The following PCDH15 variants were observed in gnomAD, a reference collection of about 807,000 sequenced individuals.
The protein encoded by PCDH15 is protocadherin related 15, also known as protocadherin-15.
Under a neutral mutation model 178.5 loss-of-function variants are expected in PCDH15, and 129 were observed. The ratio of observed to expected loss-of-function variants is 0.72; its 90% confidence interval spans 0.63 to 0.84. The LOEUF (loss-of-function observed/expected upper bound fraction) is 0.84. Among genes scored for constraint, PCDH15 ranks in the 40% least tolerant of loss-of-function variants. The pLI, the probability that PCDH15 is intolerant of heterozygous loss-of-function variation, is 0.00. For synonymous variants in PCDH15, 800 were observed against 732.0 expected (o/e 1.09, Z -1.50); for missense variants, 2,230 against 2,099.9 (o/e 1.06, Z -1.21).
intron 2 of PCDH15, among the ~76,000 whole-genome samples, chr10:55,151,619 A>G (rs1013278853): frequency 6.6e-6 from 1 of 152,090 alleles, no homozygotes; most frequent in Non-Finnish European, 1.5e-5. Context: ...GGAATAACCA[A>G]AGGTAAAAAT....
At chr10:55,503,366 TAAA>T (rs1272150369) in intron 2 of PCDH15, among the ~76,000 whole-genome samples, 1 of 148,386 alleles carries the variant, frequency 6.7e-6, no homozygotes, top group Non-Finnish European at 1.5e-5. Flanking sequence ...AAATATAAAA[TAAA>T]TATTCTAAAT....
chr10:54,255,781 C>G (rs1347660812), intron 8 of PCDH15, among the ~76,000 whole-genome samples: 1 of 152,128 alleles, frequency 6.6e-6, no homozygotes, highest in African/African-American at 2.4e-5. Flanking sequence ...AGCCTATACT[C>G]TGTAACTTAG....
At chr10:55,536,797 T>C (rs1841587817) in intron 2 of PCDH15, among the ~76,000 whole-genome samples, 1 of 152,156 alleles carries the variant, frequency 6.6e-6, no homozygotes, top group Admixed American at 6.6e-5. Context: ...CTTCTCTCCA[T>C]ACTTTTTCAT....
chr10:54,248,861 AAG>A (rs1221061411), intron 8 of PCDH15, among the ~76,000 whole-genome samples: 1 of 152,056 alleles, frequency 6.6e-6, no homozygotes, highest in Non-Finnish European at 1.5e-5. Flanking sequence ...AGTGGGAAAA[AAG>A]AGTAACAAAA....
intron 14 of PCDH15, among the ~76,000 whole-genome samples, chr10:54,135,087 T>A (rs1035087018): frequency 6.6e-6 from 1 of 151,356 alleles, no homozygotes; most frequent in Admixed American, 6.6e-5. Context: ...TAATCCCAGC[T>A]ACTCAGGAGT....
At chr10:53,811,506 A>C in intron 36 of PCDH15, 43 bp downstream of exon 36, 1 of 1,151,514 alleles carries the variant, frequency 8.7e-7, no homozygotes, top group African/African-American at 1.6e-5. Context: ...TATTAATAAA[A>C]TATTAAAATA....
intron 3 of PCDH15, among the ~76,000 whole-genome samples, chr10:54,392,405 G>A (rs7096081): frequency 3.2e-3 from 418 of 131,718 alleles, no homozygotes; most frequent in African/African-American, 0.011. Context: ...GGACTATGTT[G>A]CAGTCAGGCT....
chr10:54,433,988 C>T lies in PCDH15; in HGVS notation c.158-55046G>A, dbSNP rs149559188. On this transcript the variant is annotated intron_variant, in intron 3 of 37. Coordinates refer to ENST00000644397, the MANE Select transcript of PCDH15 (RefSeq NM_001384140.1). ...CCAAACACCTTTCATTGGGACGAGACGTGGACGTGGAAGACAGCGATATAG... is the reference window on the plus strand; with the variant it reads ...CCAAACACCTTTCATTGGGACGAGATGTGGACGTGGAAGACAGCGATATAG... 7.2e-5 allele frequency among the ~76,000 whole-genome samples: 11 copies of T among 152,218 alleles called. No individual in the cohort carries two copies. In the South Asian group the frequency reaches 1.0e-3, roughly 14 times the overall value.
At chr10:53,871,771 G>A (rs1440336747) in intron 26 of PCDH15, among the ~76,000 whole-genome samples, 1 of 143,058 alleles carries the variant, frequency 7.0e-6, no homozygotes, top group Non-Finnish European at 1.5e-5. Context: ...TTTTGTTTTT[G>A]AGATGGAGTT....
At chr10:54,865,371 C>T (rs548831246) in intron 3 of PCDH15, among the ~76,000 whole-genome samples, 8 of 152,226 alleles carry the variant, frequency 5.3e-5, no homozygotes, top group Admixed American at 2.0e-4. Context: ...TTGTGGGGGA[C>T]GCTCAAGACT....
At chr10:54,273,524 C>G (rs2058169047) in intron 8 of PCDH15, among the ~76,000 whole-genome samples, 1 of 151,556 alleles carries the variant, frequency 6.6e-6, no homozygotes, top group Non-Finnish European at 1.5e-5. Context: ...AATGTAGTAG[C>G]AATGTAAGCC....
At chr10:54,858,307 T>C (rs1953776990) in intron 3 of PCDH15, among the ~76,000 whole-genome samples, 1 of 152,208 alleles carries the variant, frequency 6.6e-6, no homozygotes, top group African/African-American at 2.4e-5. Context: ...TGTTGATTCA[T>C]TCATTGATAG....
intron 3 of PCDH15, among the ~76,000 whole-genome samples, chr10:54,389,819 G>A (rs1033259786): frequency 6.6e-6 from 1 of 151,992 alleles, no homozygotes; most frequent in Non-Finnish European, 1.5e-5. Context: ...AGGCATGGTG[G>A]TGGGCGCCTG....
chr10:54,622,273 T>G (rs1486378346), intron 2 of PCDH15, among the ~76,000 whole-genome samples: 1 of 151,672 alleles, frequency 6.6e-6, no homozygotes, highest in African/African-American at 2.4e-5. Flanking sequence ...TGTGTTTATC[T>G]ATTGTAAGGG....
intron 6 of PCDH15, among the ~76,000 whole-genome samples, chr10:54,330,216 C>A (rs76276313): frequency 6.6e-6 from 1 of 151,518 alleles, no homozygotes; most frequent in East Asian, 1.9e-4. Flanking sequence ...AGGTACATTC[C>A]GAGAAATGTG....
rs1371933966 is a variant in PCDH15 at position 53,805,621 on chromosome 10, A to ATTATATACATTT, written c.*946_*957dup. Reference sequence around the variant, plus strand: ...TTCATAGCCTTTATAAGCTTTATATATTATATACATTTCAACCCTGCCAAA... The same window carrying ATTATATACATTT: ...TTCATAGCCTTTATAAGCTTTATATATTATATACATTTTTATATACATTTCAACCCTGCCAAA... On this transcript the variant is annotated 3_prime_UTR_variant, in exon 38 of 38. Coordinates refer to ENST00000644397, the MANE Select transcript of PCDH15 (RefSeq NM_001384140.1). The ATTATATACATTT allele has an allele frequency of 6.6e-6, 1 of 152,104 alleles. No individual in the cohort carries two copies. Among genetic ancestry groups the ATTATATACATTT allele is most frequent in the African/African-American group, 2.4e-5 (1 of 41,440 alleles). The allele number at this position is 152,104 out of a possible 1,614,324, so 9.4% of individuals were successfully genotyped here.
intron 2 of PCDH15, among the ~76,000 whole-genome samples, chr10:55,165,024 C>T (rs921044898): frequency 2.6e-5 from 4 of 151,828 alleles, no homozygotes; most frequent in African/African-American, 9.7e-5. Flanking sequence ...ACATATGAAC[C>T]TATATGGTAT....
intron 2 of PCDH15, among the ~76,000 whole-genome samples, chr10:55,346,860 A>C (rs1347054253): frequency 1.3e-5 from 2 of 152,060 alleles, no homozygotes. Context: ...CAGAGAATCC[A>C]GGAGAAGTTG....
intron 1 of PCDH15, among the ~76,000 whole-genome samples, chr10:54,675,048 C>T (rs1450967591): frequency 6.6e-5 from 10 of 151,998 alleles, no homozygotes; most frequent in South Asian, 2.1e-4. Context: ...AATTACCAAA[C>T]TGAAAAGTAG....
Sources: allele counts gnomAD v4.1 joint callset (sites outside exome capture counted in the v4.1 genomes callset), GRCh38; gene constraint gnomAD v4.1.1; transcripts MANE v1.5; gene names NCBI Gene and HGNC (gene_info 2026-07-23, HGNC 2026-07-21).